LRRC4C: variants seen among roughly 807,000 people sequenced by gnomAD.
The protein encoded by LRRC4C is leucine-rich repeat-containing protein 4C.
A neutral mutation model predicts 33.6 loss-of-function variants in LRRC4C; 5 were observed. That is an observed-to-expected ratio of 0.15 (90% CI 0.08 to 0.31). The LOEUF (loss-of-function observed/expected upper bound fraction) is 0.31, where lower values mean the gene tolerates loss of function less well. LRRC4C is among the 10% of genes least tolerant of loss of function. The probability of loss-of-function intolerance (pLI) is 1.00; values close to 1 mark genes in which losing one functional copy is unlikely to be tolerated. For synonymous variants in LRRC4C, 329 were observed against 302.0 expected, an observed-to-expected ratio of 1.09 and a Z score of -0.93; for missense variants, 560 against 796.7, an observed-to-expected ratio of 0.70 and a Z score of 3.58.
chr11:41,393,694 G>A (rs930950843), intron 1 of LRRC4C, among the ~76,000 whole-genome samples: 1 of 151,886 alleles, frequency 6.6e-6, no homozygotes, highest in African/African-American at 2.4e-5. Flanking sequence ...GAAACTTGAA[G>A]GGAAATATTG....
chr11:41,442,619 A>G (rs1480238055), intron 1 of LRRC4C, among the ~76,000 whole-genome samples: 3 of 151,190 alleles, frequency 2.0e-5, no homozygotes, highest in Admixed American at 6.6e-5. Context: ...ACAGGCGCCC[A>G]TCACCACGCC....
At chr11:40,773,849 T>C (rs1227394780) in intron 2 of LRRC4C, among the ~76,000 whole-genome samples, 2 of 152,096 alleles carry the variant, frequency 1.3e-5, no homozygotes, top group Admixed American at 6.5e-5. Context: ...TAATACAGCA[T>C]AAATTTATTC....
At chr11:41,408,405 C>G (rs1001535850) in intron 1 of LRRC4C, among the ~76,000 whole-genome samples, 2 of 152,108 alleles carry the variant, frequency 1.3e-5, no homozygotes, top group African/African-American at 4.8e-5. Flanking sequence ...TGTCCATACT[C>G]TATAGGACTC....
intron 1 of LRRC4C, among the ~76,000 whole-genome samples, chr11:41,439,751 CT>C (rs1348274355): frequency 6.6e-6 from 1 of 152,120 alleles, no homozygotes; most frequent in East Asian, 1.9e-4. Flanking sequence ...GAGATGGTGG[CT>C]GTGTGGAAAG....
At chr11:40,844,989 T>C (rs1953090167) in intron 2 of LRRC4C, among the ~76,000 whole-genome samples, 1 of 152,122 alleles carries the variant, frequency 6.6e-6, no homozygotes, top group Admixed American at 6.5e-5. Context: ...AGGGTTTCTT[T>C]TGTTTTCTTT....
At chr11:41,120,232 T>G (rs745453342) in intron 1 of LRRC4C, among the ~76,000 whole-genome samples, 1 of 152,168 alleles carries the variant, frequency 6.6e-6, no homozygotes, top group Non-Finnish European at 1.5e-5. Context: ...TTACTATAAA[T>G]GAAATAAGTA....
intron 2 of LRRC4C, among the ~76,000 whole-genome samples, chr11:40,753,230 C>G (rs966036463): frequency 1.3e-5 from 2 of 151,722 alleles, no homozygotes; most frequent in African/African-American, 4.8e-5. Flanking sequence ...TGCTTTATAG[C>G]CGATTAGGGT....
At chr11:40,864,010 T>C (rs1954231722) in intron 2 of LRRC4C, among the ~76,000 whole-genome samples, 3 of 152,102 alleles carry the variant, frequency 2.0e-5, no homozygotes, top group Non-Finnish European at 1.5e-5. Context: ...ATTATATTGA[T>C]GGCAAAATGA....
chr11:40,127,559 G>A (rs1303844665), intron 6 of LRRC4C, among the ~76,000 whole-genome samples: 1 of 152,146 alleles, frequency 6.6e-6, no homozygotes, highest in African/African-American at 2.4e-5. Flanking sequence ...CTTTTAAGCA[G>A]GAGAGGGAAT....
intron 1 of LRRC4C, among the ~76,000 whole-genome samples, chr11:41,349,502 G>A (rs1319942845): frequency 1.3e-5 from 2 of 151,504 alleles, no homozygotes; most frequent in Admixed American, 6.6e-5. Context: ...AAAAAACATG[G>A]GCCTGGTTTC....
At chr11:40,378,039 T>TA (rs1032329954) in intron 3 of LRRC4C, among the ~76,000 whole-genome samples, 1 of 152,068 alleles carries the variant, frequency 6.6e-6, no homozygotes, top group Non-Finnish European at 1.5e-5. Context: ...TTATGACATA[T>TA]AATAAACTCA....
chr11:40,928,923 A>C (rs1051343193), intron 2 of LRRC4C, among the ~76,000 whole-genome samples: 1 of 152,216 alleles, frequency 6.6e-6, no homozygotes, highest in Non-Finnish European at 1.5e-5. Context: ...AAGCAAATTT[A>C]AAACACTAAA....
At chr11:41,095,375 G>T (rs1409987752) in intron 1 of LRRC4C, among the ~76,000 whole-genome samples, 1 of 152,102 alleles carries the variant, frequency 6.6e-6, no homozygotes, top group East Asian at 1.9e-4. Flanking sequence ...TTTGGGTGGG[G>T]ACACAGAGTC....
chr11:40,711,893 G>A (rs1305661885), intron 2 of LRRC4C, among the ~76,000 whole-genome samples: 1 of 152,134 alleles, frequency 6.6e-6, no homozygotes, highest in East Asian at 1.9e-4. Context: ...ATCACATCAG[G>A]AACTTGCCCT....
intron 2 of LRRC4C, among the ~76,000 whole-genome samples, chr11:40,766,497 C>G (rs1949470706): frequency 6.6e-6 from 1 of 150,450 alleles, no homozygotes; most frequent in Admixed American, 6.7e-5. Context: ...CTACTTATGT[C>G]TTGATTATAA....
chr11:40,787,264 G>A (rs560600145), intron 2 of LRRC4C, among the ~76,000 whole-genome samples: 3 of 152,076 alleles, frequency 2.0e-5, no homozygotes, highest in Non-Finnish European at 4.4e-5. Context: ...TGCCAACTGG[G>A]GGGGGTAGGG....
intron 1 of LRRC4C, among the ~76,000 whole-genome samples, chr11:40,963,362 TA>T (rs1851102269): frequency 6.6e-6 from 1 of 151,798 alleles, no homozygotes; most frequent in Admixed American, 6.6e-5. Context: ...CATATGAACT[TA>T]ATTCCTCAAA....
At chr11:40,954,926 T>G (rs1958892014) in intron 1 of LRRC4C, among the ~76,000 whole-genome samples, 2 of 151,832 alleles carry the variant, frequency 1.3e-5, no homozygotes, top group Non-Finnish European at 2.9e-5. Context: ...CCCCAGAGAC[T>G]GGACTCAGAC....
chr11:40,296,843 C>T (rs1944540435), intron 4 of LRRC4C, among the ~76,000 whole-genome samples: 1 of 152,126 alleles, frequency 6.6e-6, no homozygotes, highest in Admixed American at 6.6e-5. Context: ...TAATATTACA[C>T]CACCACCCTT....
Sources: allele counts gnomAD v4.1 joint callset (sites outside exome capture counted in the v4.1 genomes callset), GRCh38; gene constraint gnomAD v4.1.1; transcripts MANE v1.5; gene names NCBI Gene and HGNC (gene_info 2026-07-23, HGNC 2026-07-21).